The following FAAP20 variants were observed in gnomAD, a reference collection of about 807,000 sequenced individuals.
FAAP20 encodes the protein Fanconi anemia core complex-associated protein 20.
In FAAP20, 12 loss-of-function variants were observed where a neutral mutation model predicts 16.2. That is an observed-to-expected ratio of 0.74 (90% CI 0.48 to 1.20). The LOEUF (loss-of-function observed/expected upper bound fraction) is 1.20. FAAP20 is among the 50% of genes most tolerant of loss of function. The pLI is 0.00. For synonymous variants in FAAP20, 141 were observed against 110.7 expected (o/e 1.27, Z -1.72); for missense variants, 288 against 245.8 (o/e 1.17, Z -1.15).
chr1:2,199,200 C>A (rs983729158), upstream of FAAP20: 12 of 1,168,434 alleles, frequency 1.0e-5, no homozygotes, highest in African/African-American at 1.9e-4. The surrounding 1 kb of genome is among the most constrained non-coding windows in gnomAD (Gnocchi z 4.5). Flanking sequence ...CATCCCCGAC[C>A]AGACAGGGCC....
At chr1:2,186,190 C>T (rs1481720811), downstream of FAAP20, 19 of 391,972 alleles carry the variant, frequency 4.8e-5, no homozygotes, top group Admixed American at 3.2e-4. Flanking sequence ...CTTGGCCAGG[C>T]GCAGAGACCC....
At chr1:2,185,130 C>T (rs574497414), downstream of FAAP20, 29 of 977,928 alleles carry the variant, frequency 3.0e-5, no homozygotes, top group East Asian at 3.7e-4. Flanking sequence ...ACGCTTGCGC[C>T]GAGACCGCAG....
At chr1:2,211,436 T>TATATATATATATATATA (rs1491468080), downstream of FAAP20, among the ~76,000 whole-genome samples, 1 of 7,448 alleles carries the variant, frequency 1.3e-4, no homozygotes, top group Non-Finnish European at 2.0e-4. Flanking sequence ...TATATATATA[T>TATATATATATATATATA]TTTTTTTTTT....
At chr1:2,199,031 G>A (rs990253706), upstream of FAAP20, 15 of 1,242,120 alleles carry the variant, frequency 1.2e-5, no homozygotes, top group East Asian at 1.7e-4. This position sits in a 1 kb window ranked among gnomAD's most constrained non-coding sequence, Gnocchi z 4.5. Flanking sequence ...CTTGGGCACC[G>A]ACAGCCTCCT....
intron 3 of FAAP20, chr1:2,190,459 T>C: frequency 2.3e-6 from 1 of 443,636 alleles, no homozygotes. Flanking sequence ...CCGGGAGGGG[T>C]GTCTGAGCGC....
downstream of FAAP20, chr1:2,184,750 G>T: frequency 6.5e-7 from 1 of 1,543,266 alleles, no homozygotes; most frequent in Non-Finnish European, 8.8e-7. Context: ...CAGCCCCATG[G>T]CAGGCCGGCA....
At chr1:2,201,124 T>A (rs1281712457), upstream of FAAP20, 5 of 1,286,428 alleles carry the variant, frequency 3.9e-6, no homozygotes, top group South Asian at 6.2e-5. Context: ...CTGTGAACTG[T>A]GGGCTCCAAC....
chr1:2,204,526 G>T (rs551093321), upstream of FAAP20, among the ~76,000 whole-genome samples: 131 of 152,338 alleles, frequency 8.6e-4, 1 homozygote, highest in African/African-American at 2.9e-3. Context: ...GGCTCCGGGC[G>T]TCAGCTTGGA....
In FAAP20 at chr1:2,193,793, C is replaced by G. The variant is rs1312322950; in HGVS notation, c.316G>C (p.Gly106Arg). ...GGGGATTCCAGGTGCCCTCCTGCCC[C>G]GTGAAGCAGCCGGTAGGAACGGCCC... ...GPGRSYRLLHGAGGHLESPAR... is the reference protein window; with the variant it reads ...GPGRSYRLLHRAGGHLESPAR... The change falls in exon 3 of 4, where the codon GGG becomes CGG. Residue 106 changes from glycine (G) to arginine (R), a missense_variant. Physicochemically the swap from Gly to Arg is moderately radical, Grantham distance 125. Coordinates refer to ENST00000378546, the MANE Select transcript of FAAP20 (RefSeq NM_182533.4). 2 of 1,603,340 alleles carry G rather than the reference C, an allele frequency of 1.2e-6. No homozygotes were observed. The highest frequency in any genetic ancestry group is 2.2e-5 in the East Asian group (1 of 44,852).
At chr1:2,194,833 C>A (rs1247511233), upstream of FAAP20, 9 of 1,061,428 alleles carry the variant, frequency 8.5e-6, no homozygotes, top group African/African-American at 1.7e-5. Context: ...CGCCTCCAGA[C>A]CTCTGCAGCG....
upstream of FAAP20, among the ~76,000 whole-genome samples, chr1:2,203,234 G>A (rs578032291): frequency 6.6e-6 from 1 of 152,328 alleles, no homozygotes; most frequent in African/African-American, 2.4e-5. Flanking sequence ...AGCCCAGGTG[G>A]GGCCAAGGCA....
At chr1:2,193,612 G>A in intron 3 of FAAP20, 27 bp downstream of exon 3, 1 of 1,582,304 alleles carries the variant, frequency 6.3e-7, no homozygotes, top group Non-Finnish European at 8.5e-7. Flanking sequence ...TGGATAACCG[G>A]GCCGGGCGCA....
chr1:2,194,523 C>T (rs1287527814), intron 1 of FAAP20, among the ~76,000 whole-genome samples, 165 bp downstream of exon 1: 1 of 41,492 alleles, frequency 2.4e-5, no homozygotes, highest in African/African-American at 9.6e-5. Flanking sequence ...GGGCTCAAGG[C>T]GGGCGCTGAA....
At chr1:2,198,084 A>G, upstream of FAAP20, 1 of 1,291,396 alleles carries the variant, frequency 7.7e-7, no homozygotes, top group East Asian at 5.5e-5. Context: ...TCAAAGTTGA[A>G]CCTGATGAAA....
chr1:2,185,634 T>C (rs1687475986), downstream of FAAP20: 8 of 646,214 alleles, frequency 1.2e-5, no homozygotes, highest in South Asian at 1.3e-4. Context: ...CTTAAGCAGA[T>C]GGCAGCTGGG....
chr1:2,194,916 G>T (rs1163235610), upstream of FAAP20: 2 of 619,336 alleles, frequency 3.2e-6, no homozygotes, highest in Non-Finnish European at 4.2e-6. Flanking sequence ...TGAGGCCAGG[G>T]TTCCTTCGTC....
chr1:2,212,373 G>C (rs1000687465), exon 2 of FAAP20: 1 of 152,846 alleles, frequency 6.5e-6, no homozygotes, highest in Non-Finnish European at 1.5e-5. Context: ...CCAAGGGGCC[G>C]AGAGAAGGAA....
At position 2,189,669 on chromosome 1, in the gene FAAP20, G is replaced by A. The variant is rs778106299; in HGVS notation, c.*40C>T. ...CGGGGCTGCTGGCGGGGGAGAGCGT[G>A]TCCGGGCGCCGCACTCTGCGCAGGG... On this transcript the variant is annotated 3_prime_UTR_variant, in exon 4 of 4. Coordinates refer to ENST00000378546, the MANE Select transcript of FAAP20 (RefSeq NM_182533.4). 42 of 1,562,370 alleles carry A rather than the reference G, an allele frequency of 2.7e-5. No homozygotes were observed. The highest frequency in any genetic ancestry group is 3.7e-5 in the Non-Finnish European group (42 of 1,137,574).
upstream of FAAP20, chr1:2,200,754 C>G (rs1572132007): frequency 1.0e-6 from 1 of 994,010 alleles, no homozygotes; most frequent in East Asian, 1.1e-4. Context: ...CCCTCGGTCT[C>G]CTGTCCACCA....
Sources: gnomAD v4.1 joint callset for allele counts (sites outside exome capture counted in the v4.1 genomes callset) on GRCh38, gnomAD v4.1.1 for gene constraint, Gnocchi (gnomAD v3.1) non-coding constraint, MANE v1.5 for transcripts, NCBI Gene and HGNC (gene_info 2026-07-23, HGNC 2026-07-21) for gene names.